PPFIBP2: variants seen among roughly 807,000 people sequenced by gnomAD.
The protein encoded by PPFIBP2 is PPFIB scaffold protein 2.
In PPFIBP2, 118 loss-of-function variants were observed where a neutral mutation model predicts 118.3. That is an observed-to-expected ratio of 1.00 (90% CI 0.86 to 1.16). PPFIBP2 has a LOEUF of 1.16. Ranked by LOEUF, PPFIBP2 falls within the 50% of genes most tolerant of loss-of-function variation. PPFIBP2 has a pLI of 0.00. For synonymous variants in PPFIBP2, 414 were observed against 397.4 expected (o/e 1.04, Z -0.50); for missense variants, 1,195 against 1,073.1 (o/e 1.11, Z -1.59).
intron 5 of PPFIBP2, among the ~76,000 whole-genome samples, chr11:7,608,660 C>T (rs189424620): frequency 2.6e-4 from 39 of 152,282 alleles, no homozygotes; most frequent in Non-Finnish European, 4.1e-4. Flanking sequence ...AACAAACAAA[C>T]AAACAAAAAT....
intron 5 of PPFIBP2, among the ~76,000 whole-genome samples, chr11:7,607,545 A>T (rs113250212): frequency 6.6e-6 from 1 of 152,112 alleles, no homozygotes; most frequent in Non-Finnish European, 1.5e-5. Flanking sequence ...CAAGTACTCA[A>T]TAGTGGCTTT....
intron 7 of PPFIBP2, among the ~76,000 whole-genome samples, chr11:7,622,451 A>AT (rs1354881315): frequency 6.6e-6 from 1 of 152,160 alleles, no homozygotes; most frequent in Non-Finnish European, 1.5e-5. Flanking sequence ...CTGTCTCTTA[A>AT]TTTTTATTGT....
intron 14 of PPFIBP2, 51 bp downstream of exon 14, chr11:7,635,644 G>A: frequency 6.5e-7 from 1 of 1,532,114 alleles, no homozygotes; most frequent in Non-Finnish European, 9.0e-7. Context: ...CTGTTTGCTA[G>A]TATTTTAATT....
At chr11:7,599,109 T>A (rs568896235) in intron 5 of PPFIBP2, among the ~76,000 whole-genome samples, 16 of 152,274 alleles carry the variant, frequency 1.1e-4, no homozygotes, top group African/African-American at 3.9e-4. Flanking sequence ...GGCTTTTTTT[T>A]TTTAATTGAA....
chr11:7,651,782 G>A lies in PPFIBP2; in HGVS notation c.2374G>A (p.Glu792Lys). Residue 792 changes from glutamate to lysine, a missense_variant, in exon 23 of 24, where the codon GAG (glutamate) becomes AAG (lysine). Transcript: ENST00000299492. ...NALIGPEAEQ[E>K]KREKMASPAY... ...CTTGATTGGTCCGGAGGCTGAACAG[G>A]AGAAGCGAGAGAAAATGGCCTCACC... 5 of 1,614,040 alleles carry A rather than the reference G, an allele frequency of 3.1e-6. No homozygotes were observed. The highest frequency in any genetic ancestry group is 3.4e-6 in the Non-Finnish European group (4 of 1,179,906).
chr11:7,526,186 A>G (rs1027909883), intron 1 of PPFIBP2, among the ~76,000 whole-genome samples: 3 of 152,184 alleles, frequency 2.0e-5, no homozygotes, highest in African/African-American at 7.2e-5. Flanking sequence ...AGGTATACTG[A>G]AAGGTTATAG....
At chr11:7,611,061 G>A (rs539050694) in intron 6 of PPFIBP2, among the ~76,000 whole-genome samples, 27 of 152,246 alleles carry the variant, frequency 1.8e-4, no homozygotes, top group African/African-American at 2.6e-4. Context: ...TTAGATAACC[G>A]TCTTCCTGTG....
chr11:7,649,033 A>G, intron 19 of PPFIBP2, 114 bp from the exon 20 acceptor site: 1 of 1,352,762 alleles, frequency 7.4e-7, no homozygotes, highest in African/African-American at 1.5e-5. Context: ...AGGAATTACT[A>G]AACTTTTGGG....
chr11:7,665,992 G>A, the PPFIBP2 span: 2 of 1,301,824 alleles, frequency 1.5e-6, no homozygotes, highest in South Asian at 2.5e-5. Flanking sequence ...CGCCTGTGGG[G>A]TGCTCTGTGC....
At chr11:7,646,524 C>A (rs990330213) in intron 17 of PPFIBP2, among the ~76,000 whole-genome samples, 2 of 152,162 alleles carry the variant, frequency 1.3e-5, no homozygotes, top group Admixed American at 6.5e-5. Context: ...TGTGGACATA[C>A]AAAGAAGCAG....
At chr11:7,623,833 G>C (rs1849642149) in intron 7 of PPFIBP2, among the ~76,000 whole-genome samples, 1 of 152,238 alleles carries the variant, frequency 6.6e-6, no homozygotes, top group Admixed American at 6.5e-5. Flanking sequence ...TAGAAATGGA[G>C]GTTGAGAGTC....
intron 23 of PPFIBP2, among the ~76,000 whole-genome samples, chr11:7,652,822 T>C (rs1165661410): frequency 6.6e-6 from 1 of 152,186 alleles, no homozygotes; most frequent in East Asian, 1.9e-4. Context: ...GCAGCTCTTA[T>C]TGTTCAAGAT....
intron 5 of PPFIBP2, among the ~76,000 whole-genome samples, chr11:7,609,673 G>A (rs1847828053): frequency 6.6e-6 from 1 of 152,128 alleles, no homozygotes; most frequent in African/African-American, 2.4e-5. Flanking sequence ...TTCACAATTG[G>A]GAAAGAACAA....
intron 5 of PPFIBP2, among the ~76,000 whole-genome samples, chr11:7,599,784 C>T (rs899623181): frequency 4.0e-5 from 6 of 149,786 alleles, no homozygotes; most frequent in East Asian, 1.9e-4. Flanking sequence ...GTGCCTGCCA[C>T]CACGCCCGGC....
chr11:7,610,854 G>A (rs1323591870), intron 6 of PPFIBP2, among the ~76,000 whole-genome samples: 3 of 152,310 alleles, frequency 2.0e-5, no homozygotes, highest in Admixed American at 6.5e-5. Flanking sequence ...ATGGAACCTC[G>A]GGTGATGTGT....
chr11:7,562,929 T>A (rs1028273855), intron 2 of PPFIBP2, among the ~76,000 whole-genome samples: 46 of 86,526 alleles, frequency 5.3e-4, no homozygotes, highest in Admixed American at 9.9e-4. Context: ...AATTAAAGTT[T>A]TATATATATA....
intron 22 of PPFIBP2, chr11:7,651,316 C>G (rs545418350): frequency 6.7e-5 from 23 of 345,502 alleles, no homozygotes; most frequent in Admixed American, 2.5e-4. Context: ...GGATCCCTAT[C>G]ACTACTCAGA....
the PPFIBP2 span, chr11:7,666,489 T>G: frequency 1.2e-6 from 2 of 1,613,524 alleles, no homozygotes; most frequent in South Asian, 2.2e-5. Context: ...CAGGTTGAAC[T>G]GGTCTGGGTG....
intron 3 of PPFIBP2, among the ~76,000 whole-genome samples, chr11:7,574,694 C>T (rs147778372): frequency 6.6e-6 from 1 of 152,202 alleles, no homozygotes; most frequent in African/African-American, 2.4e-5. Context: ...GAGGGAGCCA[C>T]GACAGGGACC....
Sources: gnomAD v4.1 joint callset for allele counts (sites outside exome capture counted in the v4.1 genomes callset) on GRCh38, gnomAD v4.1.1 for gene constraint, MANE v1.5 for transcripts, NCBI Gene and HGNC (gene_info 2026-07-23, HGNC 2026-07-21) for gene names.